DIP2A: variants seen among roughly 807,000 people sequenced by gnomAD.
The protein encoded by DIP2A is disco-interacting protein 2 homolog A.
A neutral mutation model predicts 177.4 loss-of-function variants in DIP2A; 85 were observed. The ratio of observed to expected loss-of-function variants is 0.48; its 90% CI spans 0.40 to 0.57. DIP2A has a LOEUF of 0.57. Among genes scored for constraint, DIP2A ranks in the 20% least tolerant of loss-of-function variants. DIP2A has a pLI of 0.00. For synonymous variants in DIP2A, 886 were observed against 881.8 expected (o/e 1.00, Z -0.08); for missense variants, 1,791 against 2,100.2 (o/e 0.85, Z 2.88).
At chr21:46,503,137 A>G (rs773403125) in intron 5 of DIP2A, among the ~76,000 whole-genome samples, 2 of 152,090 alleles carry the variant, frequency 1.3e-5, no homozygotes, top group South Asian at 2.1e-4. Context: ...AGCTTGGCCA[A>G]TATGGTGAAA....
At chr21:46,541,673 A>C in intron 17 of DIP2A, 83 bp from the exon 18 acceptor site, 1 of 1,539,780 alleles carries the variant, frequency 6.5e-7, no homozygotes, top group Non-Finnish European at 8.9e-7. Flanking sequence ...TTGGTGCAGA[A>C]TCATGCTGCA....
intron 8 of DIP2A, among the ~76,000 whole-genome samples, chr21:46,513,372 AG>A (rs1163918446): frequency 6.6e-6 from 1 of 152,172 alleles, no homozygotes; most frequent in Non-Finnish European, 1.5e-5. Flanking sequence ...CTTTCCCCAA[AG>A]TACTGCAGTG....
intron 18 of DIP2A, among the ~76,000 whole-genome samples, chr21:46,543,356 C>T (rs540747288): frequency 9.8e-5 from 15 of 152,314 alleles, no homozygotes; most frequent in Middle Eastern, 3.4e-3. Flanking sequence ...TAGTTGTGCG[C>T]GTTTTATTTG....
At chr21:46,554,357 C>T (rs1484368087) in intron 26 of DIP2A, 65 bp downstream of exon 26, 8 of 1,589,838 alleles carry the variant, frequency 5.0e-6, no homozygotes, top group Admixed American at 3.4e-5. Flanking sequence ...CTAAGCAGCC[C>T]CCTAGACACT....
intron 5 of DIP2A, among the ~76,000 whole-genome samples, chr21:46,503,615 T>C (rs9980946): frequency 0.15 from 13,154 of 89,996 alleles, 1,129 homozygotes; most frequent in African/African-American, 0.22. Flanking sequence ...TTCCTTCCTT[T>C]CTTTCTTTCT....
intron 18 of DIP2A, among the ~76,000 whole-genome samples, chr21:46,544,892 TTACATGAAGGATGTGTTGTAC>T (rs1290551426): frequency 3.3e-5 from 5 of 152,198 alleles, no homozygotes; most frequent in African/African-American, 1.2e-4. Context: ...CCGGGGCTTA[TTACATGAAGGATGTGTTGTAC>T]TTTCTGGTCA....
At chr21:46,470,833 G>T (rs2055305056) in intron 1 of DIP2A, among the ~76,000 whole-genome samples, 1 of 151,080 alleles carries the variant, frequency 6.6e-6, no homozygotes, top group Non-Finnish European at 1.5e-5. Context: ...GGAGGCTGAG[G>T]CAGGAGAATC....
intron 35 of DIP2A, 77 bp from the exon 36 acceptor site, chr21:46,565,636 G>C: frequency 7.0e-7 from 1 of 1,419,954 alleles, no homozygotes; most frequent in Non-Finnish European, 9.5e-7. Flanking sequence ...ATTATTCTTG[G>C]CCAGTGGATG....
chr21:46,550,674 C>G lies in DIP2A; in HGVS notation c.2769C>G (p.His923Gln). ...AGCGCTTTCTGGAAGGGACGCTGCA[C>G]CCGTGTAATGTGCTGATGTGCCCTC... ...TKQRFLEGTL[H>Q]PCNVLMCPHT... The change falls in exon 23 of 38, where the codon CAC becomes CAG. Residue 923 changes from histidine (H) to glutamine (Q), a missense_variant. Coordinates refer to ENST00000417564, the MANE Select transcript of DIP2A (RefSeq NM_015151.4). 4.2e-5 allele frequency: 68 copies of G among 1,614,048 alleles called. No homozygotes were observed. Among genetic ancestry groups the G allele is most frequent in the Non-Finnish European group, 5.7e-5 (67 of 1,179,904 alleles).
rs1421618730 is a variant in DIP2A, at chr21:46,516,754, A to G, written c.1102+5140A>G. On this transcript the variant is annotated intron_variant, in intron 8 of 37. Transcript: ENST00000417564. The stretch of plus-strand genomic sequence containing the variant: ...ATGATCCACCTGCCTCGGCCTCCCA[A>G]AGTGCTGGGATTACAGCCATGAGCC... Among the ~76,000 whole-genome samples, 7 of 151,770 alleles carry G rather than the reference A, an allele frequency of 4.6e-5. No homozygotes were observed. In the East Asian group the frequency reaches 1.3e-3, roughly 29 times the overall value.
chr21:46,530,360 C>T (rs150802402), intron 9 of DIP2A, among the ~76,000 whole-genome samples: 32 of 150,974 alleles, frequency 2.1e-4, no homozygotes, highest in African/African-American at 7.8e-4. Flanking sequence ...AAGGAAATGT[C>T]AATATGAGAG....
chr21:46,479,980 T>C (rs1453708365), intron 1 of DIP2A, among the ~76,000 whole-genome samples: 1 of 152,120 alleles, frequency 6.6e-6, no homozygotes, highest in Non-Finnish European at 1.5e-5. Flanking sequence ...CAGTGAATGG[T>C]GCCACCGTGC....
At chr21:46,522,473 A>G (rs1279358812) in intron 8 of DIP2A, among the ~76,000 whole-genome samples, 1 of 152,226 alleles carries the variant, frequency 6.6e-6, no homozygotes, top group Admixed American at 6.5e-5. Flanking sequence ...TCTCATTTCT[A>G]TACCAGATAC....
At chr21:46,489,143 G>A (rs1264761515) in intron 2 of DIP2A, among the ~76,000 whole-genome samples, 2 of 152,286 alleles carry the variant, frequency 1.3e-5, no homozygotes, top group East Asian at 1.9e-4. Flanking sequence ...GGATGTATAT[G>A]TACATGTGTA....
Position 46,556,917 on chromosome 21 carries a change from T to G in DIP2A, c.3499-22T>G. The G allele has an allele frequency of 6.6e-7, 1 of 1,518,696 alleles. No individual in the cohort carries two copies. Among genetic ancestry groups the G allele is most frequent in the East Asian group, 2.4e-5 (1 of 41,226 alleles). 94.1% of individuals were successfully genotyped at this position (1,518,696 alleles called of 1,614,324 possible). ...TGAATTTCATTTCACTTTTTTTTTT[T>G]GAACTTTATTTTACTCTTAAGATGT... On this transcript the variant is annotated intron_variant, in intron 29 of 37. Transcript: ENST00000417564. This position sits in a 1 kb window ranked among gnomAD's most constrained non-coding sequence, Gnocchi z 4.5.
chr21:46,552,159 T>C (rs1232979541), intron 25 of DIP2A, among the ~76,000 whole-genome samples: 1 of 152,230 alleles, frequency 6.6e-6, no homozygotes, highest in Non-Finnish European at 1.5e-5. Context: ...ACAATAGTAT[T>C]TCTATTGATT....
intron 1 of DIP2A, among the ~76,000 whole-genome samples, chr21:46,473,350 C>A (rs2055561542): frequency 6.6e-6 from 1 of 150,940 alleles, no homozygotes; most frequent in African/African-American, 2.4e-5. Flanking sequence ...GTAATCCCAA[C>A]TATTTGATAG....
chr21:46,483,650 C>T (rs118121613), intron 1 of DIP2A, among the ~76,000 whole-genome samples: 24 of 152,344 alleles, frequency 1.6e-4, no homozygotes, highest in Admixed American at 9.8e-4. Flanking sequence ...AGATATTCAA[C>T]GGTGTCAGTC....
At chr21:46,491,245 T>C (rs1349795023) in intron 3 of DIP2A, among the ~76,000 whole-genome samples, 1 of 151,222 alleles carries the variant, frequency 6.6e-6, no homozygotes, top group African/African-American at 2.4e-5. Context: ...TTTTCTATTA[T>C]AGTTTATATA....
Sources: allele counts gnomAD v4.1 joint callset (sites outside exome capture counted in the v4.1 genomes callset), GRCh38; gene constraint gnomAD v4.1.1; non-coding constraint Gnocchi (gnomAD v3.1); transcripts MANE v1.5; gene names NCBI Gene and HGNC (gene_info 2026-07-23, HGNC 2026-07-21).